UNC13C: variants seen among roughly 807,000 people sequenced by gnomAD.
The protein encoded by UNC13C is protein unc-13 homolog C.
Under a neutral mutation model 245.4 loss-of-function variants are expected in UNC13C, and 174 were observed. The observed-to-expected ratio is 0.71, with a 90% CI of 0.63 to 0.80. The LOEUF is 0.80. UNC13C is among the 30% of genes least tolerant of loss of function. The pLI is 0.00. For missense variants in UNC13C, 2,829 were observed against 2,602.9 expected (o/e 1.09, Z -1.89); for synonymous variants, 992 against 895.1 (o/e 1.11, Z -1.93).
intron 4 of UNC13C, among the ~76,000 whole-genome samples, chr15:54,179,680 A>G (rs1280991809): frequency 2.6e-5 from 4 of 152,124 alleles, no homozygotes; most frequent in African/African-American, 9.6e-5. Flanking sequence ...GCCAAAATGG[A>G]GAGCAAAGAC....
intron 19 of UNC13C, among the ~76,000 whole-genome samples, chr15:54,484,581 G>A (rs1567317481): frequency 6.6e-6 from 1 of 152,140 alleles, no homozygotes; most frequent in Non-Finnish European, 1.5e-5. Flanking sequence ...TATTTAGGAT[G>A]TTTTTACTTC....
intron 29 of UNC13C, 126 bp from the exon 30 acceptor site, chr15:54,567,674 A>C: frequency 1.1e-6 from 1 of 870,808 alleles, no homozygotes; most frequent in Non-Finnish European, 1.6e-6. Flanking sequence ...AAATGATGGA[A>C]CCATTTTTTT....
Position 54,458,015 on chromosome 15 carries a change from A to G in UNC13C, c.4934-36593A>G, listed in dbSNP as rs555770550. ...TGTGCTGTTTCAGATATTTAGATGT[A>G]GGCATTTAAGCTATTAACGTTCCTT... is the stretch of plus-strand genomic sequence containing the variant. On this transcript the variant is annotated intron_variant, in intron 19 of 32. Transcript: ENST00000260323. Among the ~76,000 whole-genome samples the G allele has an allele frequency of 2.2e-4, 33 of 149,902 alleles. No individual in the cohort carries two copies. The South Asian group carries it at 6.8e-3, about 31-fold the overall frequency.
At chr15:54,050,609 A>G (rs1897235784) in intron 2 of UNC13C, 3 of 429,486 alleles carry the variant, frequency 7.0e-6, no homozygotes, top group South Asian at 5.8e-5. Context: ...TGGAAATCAA[A>G]TTAAATTTAT....
chr15:54,474,763 C>T (rs1010567053), intron 19 of UNC13C, among the ~76,000 whole-genome samples: 1 of 151,788 alleles, frequency 6.6e-6, no homozygotes, highest in African/African-American at 2.4e-5. Flanking sequence ...GTCTTTTTGG[C>T]TTATGTTTCT....
intron 14 of UNC13C, among the ~76,000 whole-genome samples, chr15:54,326,294 G>A (rs1391790697): frequency 6.6e-6 from 1 of 152,014 alleles, no homozygotes; most frequent in Non-Finnish European, 1.5e-5. Context: ...TAAAAGTTTG[G>A]ATAAGCTACT....
At position 54,014,339 on chromosome 15, in the gene UNC13C, C is replaced by T; in HGVS notation, c.1436C>T (p.Thr479Ile). The T allele has an allele frequency of 1.9e-6, 3 of 1,613,886 alleles. No homozygotes were observed. The highest frequency in any genetic ancestry group is 2.5e-6 in the Non-Finnish European group (3 of 1,179,810). Residue 479 changes from threonine to isoleucine, a missense_variant, in exon 2 of 33, where the codon ACT becomes ATT. Thr to Ile is a moderately conservative substitution (Grantham distance 89). Transcript: ENST00000260323. Reference sequence around the variant, plus strand: ...TCAGAGCTTCTAACAAAGGGAAGTACTTCCAAGCCAAGCTCAAAATCACAC... The same window carrying T: ...TCAGAGCTTCTAACAAAGGGAAGTATTTCCAAGCCAAGCTCAAAATCACAC... ...SKSELLTKGS[T>I]SKPSSKSHSA...
At chr15:54,565,649 C>A (rs1369377310) in intron 29 of UNC13C, among the ~76,000 whole-genome samples, 1 of 151,886 alleles carries the variant, frequency 6.6e-6, no homozygotes, top group Non-Finnish European at 1.5e-5. Context: ...CAAGCATATA[C>A]AAGCAATAAG....
Position 54,338,562 on chromosome 15 carries a change from T to C in UNC13C, c.4713+73T>C. The C allele has an allele frequency of 2.7e-6, 4 of 1,491,554 alleles. 1 individual carries two copies. The South Asian group carries it at 3.8e-5, about 14-fold the overall frequency. The allele number at this position is 1,491,554 out of a possible 1,614,324, so 92.4% of individuals were successfully genotyped here. On this transcript the variant is annotated intron_variant, in intron 17 of 32. Transcript: ENST00000260323. ...ATCTGTTTCCATAAGTTTAGCATAATAGTAAATAGAAAAGTATGTTCATTT... is the reference window on the plus strand; with the variant it reads ...ATCTGTTTCCATAAGTTTAGCATAACAGTAAATAGAAAAGTATGTTCATTT...
intron 2 of UNC13C, among the ~76,000 whole-genome samples, chr15:54,135,113 T>C (rs1320906628): frequency 6.6e-6 from 1 of 152,162 alleles, no homozygotes. Flanking sequence ...TAATGTCTTT[T>C]TTGAAAAAAA....
chr15:54,007,003 AG>A (rs1474511191), intron 1 of UNC13C, among the ~76,000 whole-genome samples: 1 of 152,190 alleles, frequency 6.6e-6, no homozygotes, highest in Non-Finnish European at 1.5e-5. Context: ...CCTGATGGGA[AG>A]CTTCTTTGAG....
chr15:54,396,516 T>C (rs1007058769), intron 18 of UNC13C, among the ~76,000 whole-genome samples: 4 of 151,682 alleles, frequency 2.6e-5, no homozygotes, highest in African/African-American at 9.7e-5. Flanking sequence ...AATATGTTTA[T>C]TCATTCATCT....
chr15:53,907,636 A>G, the UNC13C span, among the ~76,000 whole-genome samples: 2 of 152,194 alleles, frequency 1.3e-5, no homozygotes, highest in African/African-American at 2.4e-5. Flanking sequence ...AAAAGTTCCT[A>G]TAGTTACTGA....
At chr15:54,618,213 TGAAGA>T (rs1900566058) in intron 30 of UNC13C, among the ~76,000 whole-genome samples, 1 of 152,146 alleles carries the variant, frequency 6.6e-6, no homozygotes, top group African/African-American at 2.4e-5. Flanking sequence ...GCTGCTCTTC[TGAAGA>T]GAAGTTCAAA....
chr15:54,079,134 T>C (rs1898797233), intron 2 of UNC13C, among the ~76,000 whole-genome samples: 1 of 152,158 alleles, frequency 6.6e-6, no homozygotes, highest in Non-Finnish European at 1.5e-5. Flanking sequence ...TGTGTGACTT[T>C]ATTTCTGTGT....
intron 24 of UNC13C, among the ~76,000 whole-genome samples, chr15:54,522,858 G>A (rs2141134477): frequency 6.6e-6 from 1 of 152,126 alleles, no homozygotes; most frequent in South Asian, 2.1e-4. Flanking sequence ...TTCTACTTTA[G>A]AATACACTGT....
chr15:54,317,568 C>T (rs1214901610), intron 13 of UNC13C, among the ~76,000 whole-genome samples: 1 of 151,768 alleles, frequency 6.6e-6, no homozygotes, highest in Admixed American at 6.6e-5. Flanking sequence ...GAGCAATGTT[C>T]AATAATTGTG....
chr15:53,982,463 A>G (rs748671862), intron 1 of UNC13C, among the ~76,000 whole-genome samples: 1 of 152,158 alleles, frequency 6.6e-6, no homozygotes, highest in Non-Finnish European at 1.5e-5. Context: ...TGGCTTAGGC[A>G]CATTCCCTGA....
chr15:54,020,719 G>A (rs1895865654), intron 2 of UNC13C, among the ~76,000 whole-genome samples: 1 of 152,134 alleles, frequency 6.6e-6, no homozygotes, highest in Non-Finnish European at 1.5e-5. Context: ...TAAAAGGTAT[G>A]TATGAATTTA....
Sources: gnomAD v4.1 joint callset for allele counts (sites outside exome capture counted in the v4.1 genomes callset) on GRCh38, gnomAD v4.1.1 for gene constraint, MANE v1.5 for transcripts, NCBI Gene and HGNC (gene_info 2026-07-23, HGNC 2026-07-21) for gene names.